Variants in PDE3A observed in about 807,000 individuals in gnomAD.
The protein encoded by PDE3A is cGMP-inhibited 3',5'-cyclic phosphodiesterase 3A.
PDE3A carries 43 observed loss-of-function variants against 98.3 expected under a neutral mutation model. The ratio of observed to expected loss-of-function variants is 0.44; its 90% confidence interval spans 0.34 to 0.56. PDE3A has a LOEUF of 0.56. PDE3A is among the 20% of genes least tolerant of loss of function. The pLI is 0.01. For synonymous variants in PDE3A, 663 were observed against 567.9 expected, an observed-to-expected ratio of 1.17 and a Z score of -2.38; for missense variants, 1,427 against 1,440.7, an observed-to-expected ratio of 0.99 and a Z score of 0.15.
chr12:20,552,221 A>C lies in PDE3A; in HGVS notation c.961-4439A>C. 6.2e-7 allele frequency: 1 copy of C among 1,613,970 alleles called. No homozygotes were observed. Among genetic ancestry groups the C allele is most frequent in the Non-Finnish European group, 8.5e-7 (1 of 1,179,888 alleles). On this transcript the variant is annotated intron_variant, in intron 1 of 15. Transcript: ENST00000359062. This position sits in a 1 kb window ranked among gnomAD's most constrained non-coding sequence, Gnocchi z 5.1. ...GAGGCCAAGGACTGGCGGTCGGGGAAGCCGGTCAGGGTGGTGCGCAATGTC... is the reference window on the plus strand; with the variant it reads ...GAGGCCAAGGACTGGCGGTCGGGGACGCCGGTCAGGGTGGTGCGCAATGTC...
chr12:20,404,836 T>G (rs972966802), intron 1 of PDE3A, among the ~76,000 whole-genome samples: 1 of 148,272 alleles, frequency 6.7e-6, no homozygotes, highest in African/African-American at 2.5e-5. Context: ...GTTTTTTTTT[T>G]TTTTTTTTTT....
chr12:20,369,725 C>T lies in PDE3A; in HGVS notation c.441C>T (p.Gly147=). 1 of 1,612,262 alleles carries T rather than the reference C, an allele frequency of 6.2e-7. No homozygotes were observed. The highest frequency in any genetic ancestry group is 8.5e-7 in the Non-Finnish European group (1 of 1,179,708). ...TCCTGTGTGCCTTCTTCTGGATGGG[C>T]TTGTACCTCCTGCGCGCCGGGGTGC... ...FSLLCAFFWM[G]LYLLRAGVRL... Residue 147 remains glycine (G), a synonymous_variant, in exon 1 of 16, where the codon GGC becomes GGT. Transcript: ENST00000359062.
chr12:20,616,300 C>A lies in PDE3A; in HGVS notation c.1340C>A (p.Ala447Asp). ...TCCACTTGGACCACCACCACCTCGG[C>A]CACAGGTCTACCCACCTTGGAGCCT... Reference protein sequence around the residue: ...VSSTWTTTTSATGLPTLEPAP... With the variant: ...VSSTWTTTTSDTGLPTLEPAP... Residue 447 changes from alanine to aspartate, a missense_variant, in exon 4 of 16, where the codon GCC becomes GAC. Ala to Asp is a moderately radical substitution (Grantham distance 126, BLOSUM62 -2). This residue lies in a region of PDE3A where 1,012 missense variants were observed against 886.5 expected (regional missense o/e 1.14). Transcript: ENST00000359062. The A allele has an allele frequency of 6.2e-7, 1 of 1,614,002 alleles. No homozygotes were observed. The highest frequency in any genetic ancestry group is 8.5e-7 in the Non-Finnish European group (1 of 1,179,944).
At chr12:20,422,838 T>C (rs1412522959) in intron 1 of PDE3A, among the ~76,000 whole-genome samples, 1 of 152,226 alleles carries the variant, frequency 6.6e-6, no homozygotes, top group East Asian at 1.9e-4. Flanking sequence ...TGGAGGCAGT[T>C]CTTAAAACTA....
intron 2 of PDE3A, among the ~76,000 whole-genome samples, chr12:20,582,915 C>G (rs60415382): frequency 0.2 from 30,736 of 152,090 alleles, 3,192 homozygotes; most frequent in Middle Eastern, 0.29. Flanking sequence ...TTAGAAATAA[C>G]TGAAACTTAG....
At chr12:20,389,901 A>G (rs930198427) in intron 1 of PDE3A, among the ~76,000 whole-genome samples, 5 of 151,992 alleles carry the variant, frequency 3.3e-5, no homozygotes, top group East Asian at 1.9e-4. Context: ...TAGGCTGACT[A>G]TAATCAATTT....
chr12:20,673,083 A>G (rs1945533937), intron 15 of PDE3A, among the ~76,000 whole-genome samples: 1 of 151,464 alleles, frequency 6.6e-6, no homozygotes, highest in Non-Finnish European at 1.5e-5. Flanking sequence ...TATGCAGCCA[A>G]AAAACACATG....
chr12:20,424,919 A>T (rs1944579206), intron 1 of PDE3A, among the ~76,000 whole-genome samples: 1 of 152,216 alleles, frequency 6.6e-6, no homozygotes, highest in Admixed American at 6.5e-5. Context: ...CAACAAACTC[A>T]CTTCAAAGCC....
chr12:20,536,617 T>C lies in PDE3A; in HGVS notation c.961-20043T>C, dbSNP rs540480400. 8.5e-5 allele frequency among the ~76,000 whole-genome samples: 13 copies of C among 152,246 alleles called. No individual in the cohort carries two copies. The East Asian group carries it at 2.3e-3, about 27-fold the overall frequency. ...TAGATTTGCCTATTCCAGACTTTTC[T>C]TATAAAAGTAATCAAAATATTTGCA... On this transcript the variant is annotated intron_variant, in intron 1 of 15. Transcript: ENST00000359062.
intron 10 of PDE3A, 30 bp from the exon 11 acceptor site, chr12:20,646,460 C>T: frequency 8.3e-7 from 1 of 1,210,812 alleles, no homozygotes; most frequent in Non-Finnish European, 1.2e-6. Flanking sequence ...AGTTCATAAA[C>T]TGATGACTGT....
intron 1 of PDE3A, among the ~76,000 whole-genome samples, chr12:20,435,758 A>G (rs552284689): frequency 2.4e-4 from 36 of 152,270 alleles, no homozygotes; most frequent in South Asian, 2.3e-3. Flanking sequence ...TTGTTTTTAT[A>G]CTGTCATACA....
chr12:20,556,803 C>T (rs1227514045), intron 2 of PDE3A, 93 bp downstream of exon 2: 21 of 884,286 alleles, frequency 2.4e-5, no homozygotes, highest in Middle Eastern at 2.1e-4. Context: ...AAATGTGGAG[C>T]GAGGAAGAGG....
At chr12:20,644,063 G>A (rs1011487813) in intron 10 of PDE3A, among the ~76,000 whole-genome samples, 4 of 151,848 alleles carry the variant, frequency 2.6e-5, no homozygotes, top group Admixed American at 2.6e-4. Flanking sequence ...AACAATAATA[G>A]TAACTACTGG....
chr12:20,504,562 A>G (rs982702732), intron 1 of PDE3A, among the ~76,000 whole-genome samples: 5 of 152,102 alleles, frequency 3.3e-5, no homozygotes, highest in South Asian at 2.1e-4. Context: ...GACATGGACC[A>G]TACGGAGCTA....
intron 2 of PDE3A, among the ~76,000 whole-genome samples, chr12:20,583,163 G>GAGTA (rs1161565866): frequency 1.3e-5 from 2 of 152,102 alleles, no homozygotes; most frequent in African/African-American, 4.8e-5. Context: ...CTCATTCATA[G>GAGTA]AGTAAGTTTT....
chr12:20,422,879 A>C (rs1200310498), intron 1 of PDE3A, among the ~76,000 whole-genome samples: 2 of 152,218 alleles, frequency 1.3e-5, no homozygotes, highest in Non-Finnish European at 2.9e-5. Flanking sequence ...TCAGAATCCA[A>C]CACTTACATG....
At chr12:20,476,756 C>T (rs1189100205) in intron 1 of PDE3A, among the ~76,000 whole-genome samples, 3 of 152,174 alleles carry the variant, frequency 2.0e-5, no homozygotes, top group African/African-American at 7.2e-5. Context: ...GATGGAAAGG[C>T]CTTGCCCAAA....
At chr12:20,658,822 T>G (rs1397630754) in intron 15 of PDE3A, among the ~76,000 whole-genome samples, 1 of 152,126 alleles carries the variant, frequency 6.6e-6, no homozygotes, top group African/African-American at 2.4e-5. Flanking sequence ...GGGAGAAGAT[T>G]TATCTATATT....
chr12:20,588,322 A>C (rs1310945078), intron 2 of PDE3A, among the ~76,000 whole-genome samples: 2 of 152,216 alleles, frequency 1.3e-5, no homozygotes, highest in African/African-American at 4.8e-5. Flanking sequence ...TCAGAGACCC[A>C]GAGGGCCTTT....
Sources: allele counts gnomAD v4.1 joint callset (sites outside exome capture counted in the v4.1 genomes callset), GRCh38; gene constraint gnomAD v4.1.1; regional missense constraint gnomAD v4.1.1; non-coding constraint Gnocchi (gnomAD v3.1); transcripts MANE v1.5; gene names NCBI Gene and HGNC (gene_info 2026-07-23, HGNC 2026-07-21).